The following KCNT2 variants were observed in gnomAD, a reference collection of about 807,000 sequenced individuals.
KCNT2 encodes the protein potassium sodium-activated channel subfamily T member 2.
Under a neutral mutation model 153.8 loss-of-function variants are expected in KCNT2, and 67 were observed. That is an observed-to-expected ratio of 0.44 (90% CI 0.36 to 0.53). The LOEUF is 0.53. Ranked by LOEUF, KCNT2 falls within the 20% of genes least tolerant of loss-of-function variation. KCNT2 has a pLI of 0.00. For missense variants in KCNT2, 975 were observed against 1,354.8 expected, an observed-to-expected ratio of 0.72 and a Z score of 4.40; for synonymous variants, 500 against 458.8, an observed-to-expected ratio of 1.09 and a Z score of -1.15.
intron 1 of KCNT2, among the ~76,000 whole-genome samples, chr1:196,530,425 T>C (rs368437589): frequency 2.0e-5 from 3 of 151,936 alleles, no homozygotes; most frequent in African/African-American, 7.2e-5. Flanking sequence ...ATCAACAGTA[T>C]GAAATAGTAT....
chr1:196,241,740 T>TC (rs1454650178), intron 26 of KCNT2, among the ~76,000 whole-genome samples: 1 of 152,070 alleles, frequency 6.6e-6, no homozygotes, highest in African/African-American at 2.4e-5. Context: ...CATGAGCCAC[T>TC]CCATCACTTA....
At chr1:196,522,351 C>G (rs1349051968) in intron 1 of KCNT2, among the ~76,000 whole-genome samples, 1 of 152,234 alleles carries the variant, frequency 6.6e-6, no homozygotes, top group East Asian at 1.9e-4. Context: ...AAAAGTATTA[C>G]TACTAGAGGT....
chr1:196,273,728 T>C (rs1414096540), intron 25 of KCNT2, among the ~76,000 whole-genome samples: 7 of 151,876 alleles, frequency 4.6e-5, no homozygotes, highest in South Asian at 2.1e-4. Flanking sequence ...TGTCTTCCCA[T>C]TGTAATAGTA....
intron 1 of KCNT2, among the ~76,000 whole-genome samples, chr1:196,519,326 C>T (rs144195890): frequency 1.3e-3 from 192 of 151,972 alleles, no homozygotes; most frequent in African/African-American, 4.4e-3. Flanking sequence ...TAGCATTAAA[C>T]GCTGATATCA....
At chr1:196,437,211 C>A (rs1211505681) in intron 8 of KCNT2, among the ~76,000 whole-genome samples, 1 of 101,732 alleles carries the variant, frequency 9.8e-6, no homozygotes, top group African/African-American at 3.7e-5. Flanking sequence ...ACTACCAAAA[C>A]CAAGTATTTT....
At chr1:196,235,871 CTATT>C (rs1654390954) in intron 27 of KCNT2, 111 bp downstream of exon 27, 2 of 622,188 alleles carry the variant, frequency 3.2e-6, no homozygotes, top group Admixed American at 2.6e-5. Flanking sequence ...TAGGTATAGA[CTATT>C]TAAGCACTTA....
intron 1 of KCNT2, among the ~76,000 whole-genome samples, chr1:196,582,695 T>C (rs1194050878): frequency 2.0e-5 from 3 of 152,076 alleles, no homozygotes; most frequent in Admixed American, 1.3e-4. Context: ...GTTCAAACAC[T>C]GAGTCCTTTG....
chr1:196,570,581 A>G (rs1043287552), intron 1 of KCNT2, among the ~76,000 whole-genome samples: 27 of 152,096 alleles, frequency 1.8e-4, no homozygotes, highest in African/African-American at 6.3e-4. Flanking sequence ...GGATTCTCTA[A>G]ACAAGAAATA....
chr1:196,574,869 G>A (rs17700085), intron 1 of KCNT2, among the ~76,000 whole-genome samples: 1,731 of 152,030 alleles, frequency 0.011, 13 homozygotes, highest in Non-Finnish European at 0.018. Context: ...AGATAAAGCA[G>A]AGTTTTGAGT....
At chr1:196,338,268 A>C (rs1399316068) in intron 16 of KCNT2, among the ~76,000 whole-genome samples, 1 of 152,084 alleles carries the variant, frequency 6.6e-6, no homozygotes, top group Non-Finnish European at 1.5e-5. Context: ...TGGTGAAAAA[A>C]ATATATTAGT....
intron 14 of KCNT2, among the ~76,000 whole-genome samples, chr1:196,371,220 C>CAAAAAAAAAA (rs952744388): frequency 4.6e-5 from 1 of 21,942 alleles, no homozygotes; most frequent in African/African-American, 1.5e-4. Flanking sequence ...CCCGTCACTA[C>CAAAAAAAAAA]AAAAAAAAAA....
chr1:196,469,682 A>C (rs948900478), intron 5 of KCNT2, among the ~76,000 whole-genome samples: 1 of 152,168 alleles, frequency 6.6e-6, no homozygotes, highest in Non-Finnish European at 1.5e-5. Flanking sequence ...TAACATTAGA[A>C]CATTCAACTA....
intron 22 of KCNT2, 64 bp from the exon 23 acceptor site, chr1:196,285,822 G>A (rs1659601780): frequency 1.1e-6 from 1 of 911,338 alleles, no homozygotes; most frequent in African/African-American, 1.6e-5. Flanking sequence ...TTCTGCCTCA[G>A]TAAATTGTGT....
intron 1 of KCNT2, among the ~76,000 whole-genome samples, chr1:196,502,062 A>G (rs1680747237): frequency 6.6e-6 from 1 of 152,218 alleles, no homozygotes; most frequent in Admixed American, 6.5e-5. Flanking sequence ...GGTTGCAGTG[A>G]GTTGAGATCG....
intron 1 of KCNT2, among the ~76,000 whole-genome samples, chr1:196,526,090 C>G (rs969360686): frequency 1.4e-5 from 2 of 148,062 alleles, no homozygotes; most frequent in African/African-American, 5.0e-5. Flanking sequence ...CAAAAAAGTG[C>G]TAGACACAGT....
rs1255238477 is a variant in KCNT2 at position 196,233,551 on chromosome 1, AT to A, written c.3296+2434del. Among the ~76,000 whole-genome samples the A allele has an allele frequency of 2.0e-5, 3 of 151,446 alleles. No homozygotes were observed. The South Asian group carries it at 6.2e-4, about 31-fold the overall frequency. ...CTTTTTCAGCTGGAAGATAAAAAATATTTTTTCTACAGAAAACTAGCTTATC... is the reference window on the plus strand; with the variant it reads ...CTTTTTCAGCTGGAAGATAAAAAATATTTTTCTACAGAAAACTAGCTTATC... On this transcript the variant is annotated intron_variant, in intron 27 of 27. Transcript: ENST00000294725.
At chr1:196,390,214 T>A (rs781573861) in intron 13 of KCNT2, among the ~76,000 whole-genome samples, 41 of 151,588 alleles carry the variant, frequency 2.7e-4, no homozygotes, top group Non-Finnish European at 3.2e-4. Context: ...TCTAAGTGGA[T>A]CTTTTAAATC....
chr1:196,530,448 T>A (rs1447501722), intron 1 of KCNT2, among the ~76,000 whole-genome samples: 1 of 151,934 alleles, frequency 6.6e-6, no homozygotes, highest in Non-Finnish European at 1.5e-5. Context: ...TAATCACAAA[T>A]AATGATAGAT....
chr1:196,300,458 C>A (rs1473154957), intron 22 of KCNT2, among the ~76,000 whole-genome samples: 1 of 152,056 alleles, frequency 6.6e-6, no homozygotes, highest in East Asian at 1.9e-4. Context: ...CTGAAGCAGG[C>A]CATAAAATTT....
Sources: gnomAD v4.1 joint callset for allele counts (sites outside exome capture counted in the v4.1 genomes callset) on GRCh38, gnomAD v4.1.1 for gene constraint, MANE v1.5 for transcripts, NCBI Gene and HGNC (gene_info 2026-07-23, HGNC 2026-07-21) for gene names.